The following LYPLAL1 variants were observed in gnomAD, a reference collection of about 807,000 sequenced individuals.
LYPLAL1 encodes the protein lysophospholipase-like protein 1.
Under a neutral mutation model 19.7 loss-of-function variants are expected in LYPLAL1, and 23 were observed. The observed-to-expected ratio is 1.17, with a 90% CI of 0.84 to 1.65. LYPLAL1 has a LOEUF of 1.65. LYPLAL1 is among the 40% of genes most tolerant of loss of function. The probability of loss-of-function intolerance (pLI) is 0.00; values close to 1 mark genes in which losing one functional copy is unlikely to be tolerated. For missense variants in LYPLAL1, 355 were observed against 279.4 expected, an observed-to-expected ratio of 1.27 and a Z score of -1.93; for synonymous variants, 119 against 96.3, an observed-to-expected ratio of 1.24 and a Z score of -1.38.
At chr1:219,443,038 A>C in the LYPLAL1 span, among the ~76,000 whole-genome samples, 1 of 151,990 alleles carries the variant, frequency 6.6e-6, no homozygotes, top group Non-Finnish European at 1.5e-5. Flanking sequence ...CTCTGAGGGG[A>C]ATTGTTTAAA....
chr1:219,414,211 G>A, the LYPLAL1 span, among the ~76,000 whole-genome samples: 1 of 152,152 alleles, frequency 6.6e-6, no homozygotes, highest in African/African-American at 2.4e-5. Context: ...CCTACATTTT[G>A]CAATAAATGC....
chr1:219,390,430 C>T, the LYPLAL1 span, among the ~76,000 whole-genome samples: 1 of 152,198 alleles, frequency 6.6e-6, no homozygotes, highest in Non-Finnish European at 1.5e-5. Flanking sequence ...AGAGAAGGGA[C>T]TGGGAGTCAT....
the LYPLAL1 span, among the ~76,000 whole-genome samples, chr1:219,355,321 A>G: frequency 1.8e-4 from 27 of 152,358 alleles, 1 homozygote; most frequent in African/African-American, 6.0e-4. Context: ...ATATTCACGG[A>G]TAAGCAAATA....
the LYPLAL1 span, among the ~76,000 whole-genome samples, chr1:219,301,926 AT>A: frequency 2.0e-5 from 3 of 152,066 alleles, no homozygotes; most frequent in African/African-American, 4.8e-5. Flanking sequence ...TTTGTTTTGA[AT>A]TTTTTAAAAA....
intron 3 of LYPLAL1, among the ~76,000 whole-genome samples, chr1:219,207,658 C>T (rs1388574682): frequency 6.6e-6 from 1 of 151,980 alleles, no homozygotes; most frequent in African/African-American, 2.4e-5. Flanking sequence ...ACAAAAATCC[C>T]AGCTCCCATC....
chr1:219,175,210 C>A, intron 1 of LYPLAL1: 1 of 524,494 alleles, frequency 1.9e-6, no homozygotes, highest in Non-Finnish European at 2.4e-6. Flanking sequence ...CAAAGCTCTC[C>A]GACCTCAAAC....
the LYPLAL1 span, among the ~76,000 whole-genome samples, chr1:219,341,460 G>A: frequency 0.034 from 5,139 of 151,986 alleles, 282 homozygotes; most frequent in African/African-American, 0.12. Context: ...TTTCAGAAAA[G>A]GTTCAATTTT....
At chr1:219,413,320 T>A in the LYPLAL1 span, among the ~76,000 whole-genome samples, 1 of 152,342 alleles carries the variant, frequency 6.6e-6, no homozygotes, top group East Asian at 1.9e-4. Flanking sequence ...TTTTTGTTTA[T>A]TTTTAATTAA....
chr1:219,361,715 C>T, the LYPLAL1 span, among the ~76,000 whole-genome samples: 17 of 152,138 alleles, frequency 1.1e-4, no homozygotes, highest in South Asian at 4.2e-4. Flanking sequence ...TAGTAACACA[C>T]GATGACCTCC....
At chr1:219,375,215 C>T in the LYPLAL1 span, among the ~76,000 whole-genome samples, 1 of 152,058 alleles carries the variant, frequency 6.6e-6, no homozygotes, top group African/African-American at 2.4e-5. Flanking sequence ...ATCTGTAATC[C>T]CAGCACTTTG....
chr1:219,399,748 T>C, the LYPLAL1 span, among the ~76,000 whole-genome samples: 1 of 152,086 alleles, frequency 6.6e-6, no homozygotes, highest in Non-Finnish European at 1.5e-5. Flanking sequence ...AGGCCAGGAC[T>C]AAGGGGTGCT....
chr1:219,376,340 T>A, the LYPLAL1 span, among the ~76,000 whole-genome samples: 1 of 152,090 alleles, frequency 6.6e-6, no homozygotes, highest in South Asian at 2.1e-4. Flanking sequence ...TAACTCAAAA[T>A]GGATTAAAGA....
the LYPLAL1 span, chr1:219,409,396 T>A: frequency 1.7e-4 from 25 of 149,820 alleles, no homozygotes; most frequent in African/African-American, 5.9e-4. Context: ...TGTAGTGGGC[T>A]GGGAGCGTGC....
the LYPLAL1 span, among the ~76,000 whole-genome samples, chr1:219,381,108 G>T: frequency 6.6e-6 from 1 of 152,124 alleles, no homozygotes; most frequent in Non-Finnish European, 1.5e-5. Context: ...TAATTCCCAC[G>T]CATCATGAGA....
chr1:219,430,978 C>T, the LYPLAL1 span, among the ~76,000 whole-genome samples: 1 of 151,928 alleles, frequency 6.6e-6, no homozygotes, highest in African/African-American at 2.4e-5. Context: ...ATGCTCAGAA[C>T]CTCGGAAGAG....
chr1:219,405,633 G>A, the LYPLAL1 span, among the ~76,000 whole-genome samples: 59 of 152,132 alleles, frequency 3.9e-4, no homozygotes, highest in Non-Finnish European at 6.6e-4. Context: ...TTGACACCAT[G>A]TTTTAGATAT....
At chr1:219,235,652 T>C in the LYPLAL1 span, among the ~76,000 whole-genome samples, 1 of 152,222 alleles carries the variant, frequency 6.6e-6, no homozygotes, top group African/African-American at 2.4e-5. Flanking sequence ...GCCTACTTCC[T>C]ACATGGTTTT....
At chr1:219,371,787 T>C in the LYPLAL1 span, among the ~76,000 whole-genome samples, 1 of 152,230 alleles carries the variant, frequency 6.6e-6, no homozygotes, top group Admixed American at 6.5e-5. Flanking sequence ...AGTCTTTTAC[T>C]ATGCAGCAGC....
chr1:219,284,380 G>C, the LYPLAL1 span, among the ~76,000 whole-genome samples: 1 of 152,128 alleles, frequency 6.6e-6, no homozygotes, highest in African/African-American at 2.4e-5. Context: ...TCAGAAGAAT[G>C]AATAATAAGT....
Sources: allele counts gnomAD v4.1 joint callset (sites outside exome capture counted in the v4.1 genomes callset), GRCh38; gene constraint gnomAD v4.1.1; transcripts MANE v1.5; gene names NCBI Gene and HGNC (gene_info 2026-07-23, HGNC 2026-07-21).